Variants in CTTNBP2 observed in about 807,000 individuals in gnomAD.
CTTNBP2 encodes the protein cortactin-binding protein 2.
CTTNBP2 carries 108 observed loss-of-function variants against 156.9 expected under a neutral mutation model. The ratio of observed to expected loss-of-function variants is 0.69; its 90% confidence interval spans 0.59 to 0.81. CTTNBP2 has a LOEUF of 0.81. Ranked by LOEUF, CTTNBP2 falls within the 30% of genes least tolerant of loss-of-function variation. The pLI is 0.00. For synonymous variants in CTTNBP2, 767 were observed against 751.8 expected (o/e 1.02, Z -0.33); for missense variants, 1,924 against 2,035.4 (o/e 0.95, Z 1.05).
chr7:117,739,962 A>C lies in CTTNBP2; in HGVS notation c.3536-4541T>G, dbSNP rs567242383. Reference sequence around the variant, plus strand: ...CTTTAAAATACCCATCTAGTGTTTAATTTTTTTTTCTGTTTTACTGTTTAC... The same window carrying C: ...CTTTAAAATACCCATCTAGTGTTTACTTTTTTTTTCTGTTTTACTGTTTAC... On this transcript the variant is annotated intron_variant, in intron 14 of 22. Coordinates refer to ENST00000160373, the MANE Select transcript of CTTNBP2 (RefSeq NM_033427.3). Among the ~76,000 whole-genome samples the C allele has an allele frequency of 4.0e-5, 6 of 151,702 alleles. No homozygotes were observed. The East Asian group carries it at 1.2e-3, about 29-fold the overall frequency.
At chr7:117,848,319 C>G (rs560715261) in intron 2 of CTTNBP2, among the ~76,000 whole-genome samples, 19 of 152,134 alleles carry the variant, frequency 1.2e-4, no homozygotes, top group Admixed American at 5.9e-4. Context: ...CTCGAAATCC[C>G]ACTGTCTTGC....
intron 9 of CTTNBP2, among the ~76,000 whole-genome samples, chr7:117,762,974 C>A (rs1797289801): frequency 6.6e-6 from 1 of 152,182 alleles, no homozygotes; most frequent in African/African-American, 2.4e-5. Flanking sequence ...ACATAGCTGC[C>A]CTGTTCACCT....
At chr7:117,849,970 C>T (rs988967860) in intron 2 of CTTNBP2, among the ~76,000 whole-genome samples, 1 of 152,160 alleles carries the variant, frequency 6.6e-6, no homozygotes, top group Non-Finnish European at 1.5e-5. Context: ...TAACCATGAG[C>T]CTTAAAATGA....
chr7:117,819,944 GTAGACCATA>G (rs1800856367), intron 2 of CTTNBP2, among the ~76,000 whole-genome samples: 1 of 152,196 alleles, frequency 6.6e-6, no homozygotes, highest in African/African-American at 2.4e-5. Context: ...CTCTCAAAGT[GTAGACCATA>G]TTAGCAGAAT....
chr7:117,763,555 CTTTT>C (rs767309488), intron 9 of CTTNBP2, among the ~76,000 whole-genome samples: 26 of 103,436 alleles, frequency 2.5e-4, no homozygotes, highest in African/African-American at 7.2e-4. Flanking sequence ...TCTTCTTCTT[CTTTT>C]TTTTTTTTTT....
intron 2 of CTTNBP2, among the ~76,000 whole-genome samples, chr7:117,828,982 T>C (rs1801451829): frequency 6.6e-6 from 1 of 152,230 alleles, no homozygotes; most frequent in African/African-American, 2.4e-5. Context: ...CTCTCCAACA[T>C]GATTTATGAC....
intron 2 of CTTNBP2, among the ~76,000 whole-genome samples, chr7:117,838,260 G>A (rs1484217827): frequency 1.3e-5 from 2 of 152,152 alleles, no homozygotes; most frequent in African/African-American, 4.8e-5. Context: ...ACTAAACTCT[G>A]AGCCCAAAGA....
chr7:117,850,000 T>G (rs928634800), intron 2 of CTTNBP2, among the ~76,000 whole-genome samples: 1 of 152,212 alleles, frequency 6.6e-6, no homozygotes, highest in Non-Finnish European at 1.5e-5. Context: ...AGTACCTACT[T>G]CCAGGGATAC....
rs771925899 is a variant in CTTNBP2, at chr7:117,711,556, A to G, written c.4973T>C (p.Leu1658Pro). The part of the protein sequence containing the change: ...VNWNLHKNEH[L>P]EKPNK ...GCAGGCCTATTTGTTAGGTTTTTCT[A>G]GGTGTTCATTTTTGTGTAAGTTCCA... The change falls in exon 23 of 23, where the codon CTA becomes CCA. Residue 1658 changes from leucine to proline, a missense_variant. Coordinates refer to ENST00000160373, the MANE Select transcript of CTTNBP2 (RefSeq NM_033427.3). 1 of 1,613,026 alleles carries G rather than the reference A, an allele frequency of 6.2e-7. No homozygotes were observed. Among genetic ancestry groups the G allele is most frequent in the Middle Eastern group, 1.7e-4 (1 of 6,056 alleles).
chr7:117,786,311 C>T (rs2116829210), intron 4 of CTTNBP2: 4 of 325,654 alleles, frequency 1.2e-5, no homozygotes, highest in South Asian at 1.0e-4. Flanking sequence ...CAATATTTAT[C>T]TAAACTTTAT....
At chr7:117,712,115 G>A (rs946154814) in intron 22 of CTTNBP2, among the ~76,000 whole-genome samples, 8 of 152,172 alleles carry the variant, frequency 5.3e-5, no homozygotes, top group Non-Finnish European at 2.9e-5. Flanking sequence ...TTTGTAGGTA[G>A]CTCTACAAAC....
intron 2 of CTTNBP2, among the ~76,000 whole-genome samples, chr7:117,851,380 C>T (rs1268148042): frequency 2.0e-5 from 3 of 152,272 alleles, no homozygotes; most frequent in African/African-American, 7.2e-5. Flanking sequence ...TACCTCCCCA[C>T]CAACCCCCTC....
At chr7:117,851,419 C>CCAT (rs1283051411) in intron 2 of CTTNBP2, among the ~76,000 whole-genome samples, 5 of 152,090 alleles carry the variant, frequency 3.3e-5, no homozygotes, top group African/African-American at 4.8e-5. Context: ...ACATTTAGAG[C>CCAT]CATCACCCAG....
chr7:117,734,197 C>G (rs1018935417), intron 16 of CTTNBP2, among the ~76,000 whole-genome samples: 1 of 152,196 alleles, frequency 6.6e-6, no homozygotes, highest in Non-Finnish European at 1.5e-5. Context: ...TTCTGTGAAG[C>G]AGCTAGCAGT....
intron 2 of CTTNBP2, among the ~76,000 whole-genome samples, chr7:117,817,599 T>A (rs1279348811): frequency 6.6e-6 from 1 of 151,376 alleles, no homozygotes; most frequent in Non-Finnish European, 1.5e-5. Context: ...TAGCATGTAA[T>A]CCTCTGAGAA....
intron 14 of CTTNBP2, among the ~76,000 whole-genome samples, chr7:117,743,329 T>C (rs1796119097): frequency 6.6e-6 from 1 of 152,204 alleles, no homozygotes; most frequent in Admixed American, 6.5e-5. Context: ...CGGGAGACTT[T>C]TGTTAGATAA....
At chr7:117,858,835 C>T (rs559613979) in intron 2 of CTTNBP2, among the ~76,000 whole-genome samples, 37 of 152,198 alleles carry the variant, frequency 2.4e-4, no homozygotes, top group African/African-American at 7.7e-4. Context: ...TGTGTATGTG[C>T]GTACTTTTGC....
intron 2 of CTTNBP2, among the ~76,000 whole-genome samples, chr7:117,832,737 CTTTTTTT>C (rs927988376): frequency 8.8e-6 from 1 of 112,996 alleles, no homozygotes; most frequent in African/African-American, 4.0e-5. Context: ...ATTCATCAAC[CTTTTTTT>C]TTTTTTTTTT....
At chr7:117,737,989 C>T (rs780910700) in intron 14 of CTTNBP2, among the ~76,000 whole-genome samples, 12 of 152,172 alleles carry the variant, frequency 7.9e-5, no homozygotes, top group Admixed American at 1.3e-4. Context: ...GTTATAAAAG[C>T]GTCATCATGG....
Sources: allele counts gnomAD v4.1 joint callset (sites outside exome capture counted in the v4.1 genomes callset), GRCh38; gene constraint gnomAD v4.1.1; transcripts MANE v1.5; gene names NCBI Gene and HGNC (gene_info 2026-07-23, HGNC 2026-07-21).